Variants in CADM3 observed in about 807,000 individuals in gnomAD.
The protein encoded by CADM3 is TSLC1-like 1.
Under a neutral mutation model 44.9 loss-of-function variants are expected in CADM3, and 11 were observed. That is an observed-to-expected ratio of 0.25 (90% CI 0.15 to 0.41). CADM3 has a LOEUF of 0.41. Among genes scored for constraint, CADM3 ranks in the 10% least tolerant of loss-of-function variants. CADM3 has a pLI of 1.00. For missense variants in CADM3, 426 were observed against 512.0 expected (o/e 0.83, Z 1.62); for synonymous variants, 207 against 205.2 (o/e 1.01, Z -0.08).
chr1:159,189,715 C>T (rs1049361369), intron 1 of CADM3: 1 of 1,331,874 alleles, frequency 7.5e-7, no homozygotes, highest in South Asian at 1.3e-5. Flanking sequence ...AAGTAGAGCC[C>T]CACACTGTAG....
At chr1:159,200,531 C>T (rs1219416464) in intron 8 of CADM3, among the ~76,000 whole-genome samples, 4 of 125,582 alleles carry the variant, frequency 3.2e-5, no homozygotes, top group African/African-American at 1.1e-4. Flanking sequence ...CACACACACA[C>T]ACACACACAC....
At chr1:159,193,707 G>T (rs3026988) in intron 4 of CADM3, 147 bp downstream of exon 4, 1 of 1,401,530 alleles carries the variant, frequency 7.1e-7, no homozygotes, top group Non-Finnish European at 9.9e-7. Context: ...GCCTATGTGT[G>T]TGTTGGGGCC....
rs755631261 is a variant in CADM3, at chr1:159,193,829, CTCTGTGTG to C, written c.521-39_521-32del. 3.7e-6 allele frequency: 6 copies of C among 1,604,410 alleles called. No homozygotes were observed. In the South Asian group the frequency reaches 6.7e-5, roughly 18 times the overall value. On this transcript the variant is annotated intron_variant, in intron 4 of 8. Transcript: ENST00000368125. ...TATGTTAGGTTTACTCTGTGTCTCT[CTCTGTGTG>C]TTTGTGTGTGTGCCACTGTTTCTGC...
At chr1:159,198,838 A>C (rs887906660) in intron 7 of CADM3, among the ~76,000 whole-genome samples, 2 of 152,134 alleles carry the variant, frequency 1.3e-5, no homozygotes, top group East Asian at 1.9e-4. Flanking sequence ...AATCCTCTAC[A>C]TAGGTTGCCA....
chr1:159,171,890 G>A lies in CADM3; in HGVS notation c.88+37G>A, dbSNP rs755139742. The stretch of plus-strand genomic sequence containing the variant: ...AGGGGGCGGCGCCTGGGGAGGTGGG[G>A]AGTGACCCGAGGCGGGGGCTGGGAT... On this transcript the variant is annotated intron_variant, in intron 1 of 8. Transcript: ENST00000368125. The A allele has an allele frequency of 5.0e-6, 6 of 1,197,890 alleles. No individual in the cohort carries two copies. The South Asian group carries it at 2.1e-4, about 42-fold the overall frequency. The allele number at this position is 1,197,890 out of a possible 1,614,324, so 74.2% of individuals were successfully genotyped here.
chr1:159,171,956 C>T lies in CADM3; in HGVS notation c.88+103C>T, dbSNP rs1019609036. ...AGGAGCCTGTTGGCTTTGTTTGGAA[C>T]CGGGGTTAAAGTCACCAGCCGCTGC... On this transcript the variant is annotated intron_variant, in intron 1 of 8. Coordinates refer to ENST00000368125, the MANE Select transcript of CADM3 (RefSeq NM_001127173.3). The T allele has an allele frequency of 4.0e-6, 3 of 746,490 alleles. No homozygotes were observed. In the African/African-American group the frequency reaches 5.5e-5, roughly 14 times the overall value. 46.2% of individuals were successfully genotyped at this position (746,490 alleles called of 1,614,324 possible). A position where few individuals can be genotyped will look rare whatever the true frequency, so the allele number is the denominator to read the frequency against.
chr1:159,183,376 C>G (rs1248101352), intron 1 of CADM3, among the ~76,000 whole-genome samples: 2 of 152,056 alleles, frequency 1.3e-5, no homozygotes, highest in Non-Finnish European at 2.9e-5. Context: ...AGTAGTTTAT[C>G]AAGAGGCTGC....
At chr1:159,188,432 G>A (rs530348388) in intron 1 of CADM3, among the ~76,000 whole-genome samples, 4 of 151,100 alleles carry the variant, frequency 2.6e-5, no homozygotes, top group Non-Finnish European at 1.5e-5. Context: ...ACTTTTCTTT[G>A]TAATCTCGAC....
chr1:159,179,122 G>A (rs925452213), intron 1 of CADM3, among the ~76,000 whole-genome samples: 6 of 152,152 alleles, frequency 3.9e-5, no homozygotes, highest in African/African-American at 1.2e-4. Context: ...TAAGCCCCCT[G>A]TTCTCATGAA....
At chr1:159,178,533 G>C (rs889311111) in intron 1 of CADM3, 1 of 152,172 alleles carries the variant, frequency 6.6e-6, no homozygotes, top group Non-Finnish European at 1.5e-5. Flanking sequence ...GCTAAGCAGG[G>C]TTAGGCCTGG....
intron 2 of CADM3, 83 bp from the exon 3 acceptor site, chr1:159,192,495 C>T: frequency 6.4e-7 from 1 of 1,561,154 alleles, no homozygotes; most frequent in Non-Finnish European, 8.8e-7. Context: ...ACCCCTTCCC[C>T]CAAAGAAGCT....
At chr1:159,182,049 CACAG>C (rs1160821428) in intron 1 of CADM3, among the ~76,000 whole-genome samples, 1 of 148,274 alleles carries the variant, frequency 6.7e-6, no homozygotes, top group Non-Finnish European at 1.5e-5. Context: ...CCAGCAAGCA[CACAG>C]ACAGACACAC....
At chr1:159,200,088 G>C (rs1396158994) in intron 8 of CADM3, among the ~76,000 whole-genome samples, 1 of 152,134 alleles carries the variant, frequency 6.6e-6, no homozygotes, top group African/African-American at 2.4e-5. Flanking sequence ...CTGATCACTT[G>C]GGGATCGTCC....
At position 159,201,521 on chromosome 1, in the gene CADM3, T is replaced by C. The variant is rs898526748; in HGVS notation, c.*599T>C. 6.6e-6 allele frequency: 1 copy of C among 152,196 alleles called. No individual in the cohort carries two copies. Among genetic ancestry groups the C allele is most frequent in the African/African-American group, 2.4e-5 (1 of 41,398 alleles). 9.4% of individuals were successfully genotyped at this position (152,196 alleles called of 1,614,324 possible). Reference sequence around the variant, plus strand: ...CCTTGACACCTCTCTTCCATAGCAATGGGAAAGTGATGAGTGCGGGAGTCC... The same window carrying C: ...CCTTGACACCTCTCTTCCATAGCAACGGGAAAGTGATGAGTGCGGGAGTCC... On this transcript the variant is annotated 3_prime_UTR_variant, in exon 9 of 9. Coordinates refer to ENST00000368125, the MANE Select transcript of CADM3 (RefSeq NM_001127173.3).
At chr1:159,174,202 T>G (rs1648930867) in intron 1 of CADM3, among the ~76,000 whole-genome samples, 1 of 152,238 alleles carries the variant, frequency 6.6e-6, no homozygotes, top group Non-Finnish European at 1.5e-5. Context: ...CACTGATGCA[T>G]GAGACATAAC....
chr1:159,183,152 T>C (rs1262919701), intron 1 of CADM3, among the ~76,000 whole-genome samples: 1 of 152,156 alleles, frequency 6.6e-6, no homozygotes, highest in Non-Finnish European at 1.5e-5. Flanking sequence ...TGGGTACAGG[T>C]TCCTTCCAAA....
At chr1:159,187,959 T>A (rs537698343) in intron 1 of CADM3, among the ~76,000 whole-genome samples, 2 of 151,920 alleles carry the variant, frequency 1.3e-5, no homozygotes, top group East Asian at 3.9e-4. Flanking sequence ...TTGCCTCTCT[T>A]TTATCGACAG....
intron 5 of CADM3, chr1:159,196,053 A>T: frequency 3.8e-6 from 1 of 264,520 alleles, no homozygotes. Flanking sequence ...GGTCTTTCCT[A>T]TGTGCTAGGA....
intron 1 of CADM3, among the ~76,000 whole-genome samples, chr1:159,186,382 T>C (rs1474744783): frequency 6.6e-6 from 1 of 152,210 alleles, no homozygotes; most frequent in African/African-American, 2.4e-5. Flanking sequence ...TCTGTTCTTC[T>C]ACCTGAGCAA....
Sources: gnomAD v4.1 joint callset for allele counts (sites outside exome capture counted in the v4.1 genomes callset) on GRCh38, gnomAD v4.1.1 for gene constraint, MANE v1.5 for transcripts, NCBI Gene and HGNC (gene_info 2026-07-23, HGNC 2026-07-21) for gene names.